GDPD5: variants seen among roughly 807,000 people sequenced by gnomAD.
The protein encoded by GDPD5 is glycerophosphodiester phosphodiesterase domain containing 5, also known as glycerophosphodiester phosphodiesterase 2.
A neutral mutation model predicts 75.1 loss-of-function variants in GDPD5; 48 were observed. That is an observed-to-expected ratio of 0.64 (90% confidence interval 0.51 to 0.81). GDPD5 has a LOEUF of 0.81. Ranked by LOEUF, GDPD5 falls within the 40% of genes least tolerant of loss-of-function variation. The probability of loss-of-function intolerance (pLI) is 0.00; values close to 1 mark genes in which losing one functional copy is unlikely to be tolerated. For missense variants in GDPD5, 706 were observed against 822.6 expected (o/e 0.86, Z 1.73); for synonymous variants, 336 against 339.0 (o/e 0.99, Z 0.10).
Position 75,477,619 on chromosome 11 carries a change from C to T in GDPD5, c.117G>A (p.Pro39=), listed in dbSNP as rs375614209. 22 of 1,566,736 alleles carry T rather than the reference C, an allele frequency of 1.4e-5. No individual in the cohort carries two copies. Among genetic ancestry groups the T allele is most frequent in the East Asian group, 2.3e-5 (1 of 43,532 alleles). ...RYQRSHDDTT[P]WERLWFLLLT... is the part of the protein sequence containing the mutation. Reference sequence around the variant, plus strand: ...CTGACCCTGTTCCAGGGTGGCTCACCGGTGTGGTATCATCATGGGAGCGCT... The same window carrying T: ...CTGACCCTGTTCCAGGGTGGCTCACTGGTGTGGTATCATCATGGGAGCGCT... The change falls in exon 3 of 17, where the codon CCG becomes CCA. Residue 39 remains proline, a splice_region_variant and synonymous_variant. Coordinates refer to ENST00000336898, the MANE Select transcript of GDPD5 (RefSeq NM_030792.8).
chr11:75,495,475 A>T (rs1950192582), intron 1 of GDPD5, among the ~76,000 whole-genome samples: 1 of 151,878 alleles, frequency 6.6e-6, no homozygotes, highest in Non-Finnish European at 1.5e-5. Context: ...TCAAAAAAAG[A>T]AAAAAAAGAA....
intron 1 of GDPD5, among the ~76,000 whole-genome samples, chr11:75,516,523 C>T (rs935549428): frequency 2.0e-5 from 3 of 152,174 alleles, no homozygotes; most frequent in African/African-American, 7.2e-5. Context: ...GAAGGGATGC[C>T]CATGATTACA....
At chr11:75,461,863 T>C (rs954553576) in intron 4 of GDPD5, among the ~76,000 whole-genome samples, 1 of 152,188 alleles carries the variant, frequency 6.6e-6, no homozygotes, top group Non-Finnish European at 1.5e-5. Context: ...GACCTGGGCC[T>C]GTTTCCTTAT....
intron 15 of GDPD5, among the ~76,000 whole-genome samples, chr11:75,439,579 G>A (rs1001983454): frequency 6.6e-6 from 1 of 152,152 alleles, no homozygotes; most frequent in Non-Finnish European, 1.5e-5. Flanking sequence ...AGGGCTGGTG[G>A]GAACCCATGC....
chr11:75,521,132 T>C (rs651575), intron 1 of GDPD5, among the ~76,000 whole-genome samples: 7 of 152,020 alleles, frequency 4.6e-5, no homozygotes, highest in Admixed American at 3.3e-4. Flanking sequence ...CTGCTCCCCA[T>C]AGACATGGAC....
intron 2 of GDPD5, among the ~76,000 whole-genome samples, chr11:75,483,798 A>G (rs957006887): frequency 6.6e-6 from 1 of 152,232 alleles, no homozygotes; most frequent in Admixed American, 6.5e-5. Context: ...AAATACTGAG[A>G]CAGAAAGTAG....
At chr11:75,460,595 C>G (rs938974415) in intron 4 of GDPD5, among the ~76,000 whole-genome samples, 6 of 152,092 alleles carry the variant, frequency 3.9e-5, no homozygotes, top group Admixed American at 3.3e-4. Context: ...CAGGCATATG[C>G]CACCACACCT....
intron 9 of GDPD5, 56 bp downstream of exon 9, chr11:75,448,921 C>G: frequency 6.7e-7 from 1 of 1,495,756 alleles, no homozygotes; most frequent in African/African-American, 1.5e-5. Flanking sequence ...CCAAGAAGGT[C>G]CCCCCCATCG....
chr11:75,516,110 G>C (rs1335319777), intron 1 of GDPD5: 1 of 152,280 alleles, frequency 6.6e-6, no homozygotes, highest in Non-Finnish European at 1.5e-5. Flanking sequence ...GAATGTAATG[G>C]GCTCCATGCT....
intron 3 of GDPD5, among the ~76,000 whole-genome samples, chr11:75,464,737 C>T (rs1565196622): frequency 6.6e-6 from 1 of 152,148 alleles, no homozygotes; most frequent in Non-Finnish European, 1.5e-5. Context: ...TGTGTCTGCC[C>T]CAGCTGGACA....
intron 1 of GDPD5, among the ~76,000 whole-genome samples, chr11:75,514,124 C>T (rs1021490815): frequency 6.6e-6 from 1 of 152,240 alleles, no homozygotes; most frequent in Non-Finnish European, 1.5e-5. Context: ...GCACCAGGCT[C>T]TGTTTTGAGG....
At chr11:75,523,735 C>T (rs747583825) in intron 1 of GDPD5, among the ~76,000 whole-genome samples, 25 of 152,290 alleles carry the variant, frequency 1.6e-4, no homozygotes, top group African/African-American at 5.8e-4. Flanking sequence ...GAGATTATTG[C>T]GAGGATTTGA....
chr11:75,464,736 C>CTA (rs1240577558), intron 3 of GDPD5, among the ~76,000 whole-genome samples: 2 of 152,122 alleles, frequency 1.3e-5, no homozygotes, highest in African/African-American at 4.8e-5. Flanking sequence ...TTGTGTCTGC[C>CTA]CCAGCTGGAC....
At chr11:75,440,053 T>C (rs530506565) in intron 14 of GDPD5, 92 bp from the exon 15 acceptor site, 5 of 926,254 alleles carry the variant, frequency 5.4e-6, no homozygotes, top group Admixed American at 2.3e-5. Flanking sequence ...GGACCCCACA[T>C]GGCCACTGGG....
Position 75,462,633 on chromosome 11 carries a change from AG to A in GDPD5, c.221+152del, listed in dbSNP as rs113217791. On this transcript the variant is annotated intron_variant, in intron 4 of 16. Transcript: ENST00000336898. ...GGAGGTGAGCAGGACAGAGGCTCCCAGGGAGTAGGCCCTGCCCAGGGCCACA... is the reference window on the plus strand; with the variant it reads ...GGAGGTGAGCAGGACAGAGGCTCCCAGGAGTAGGCCCTGCCCAGGGCCACA... Among the ~76,000 whole-genome samples, 21 of 151,900 alleles carry A rather than the reference AG, an allele frequency of 1.4e-4. 2 individuals carry two copies. The highest frequency in any genetic ancestry group is 5.1e-4 in the African/African-American group (21 of 41,444).
intron 3 of GDPD5, among the ~76,000 whole-genome samples, chr11:75,476,391 C>T (rs927296746): frequency 1.3e-5 from 2 of 151,230 alleles, no homozygotes; most frequent in African/African-American, 4.9e-5. Flanking sequence ...TCCAGTTCAC[C>T]GTTGAGGGAG....
At position 75,457,700 on chromosome 11, in the gene GDPD5, C is replaced by A. The variant is rs761701516; in HGVS notation, c.308G>T (p.Gly103Val). The A allele has an allele frequency of 6.2e-7, 1 of 1,614,016 alleles. No individual in the cohort carries two copies. The highest frequency in any genetic ancestry group is 8.5e-7 in the Non-Finnish European group (1 of 1,179,914). ...TTAAAFAYIAGLLVLALCHIA... is the reference protein window; with the variant it reads ...TTAAAFAYIAVLLVLALCHIA... The stretch of plus-strand genomic sequence containing the variant: ...CAAAACAGCCCCATGTACCAGGAGG[C>A]CAGCGATGTATGCGAAGGCAGCAGC... The change falls in exon 5 of 17, where the codon GGC becomes GTC. Residue 103 changes from glycine (G) to valine (V), a missense_variant. Transcript: ENST00000336898.
At chr11:75,466,245 G>A (rs1041095974) in intron 3 of GDPD5, among the ~76,000 whole-genome samples, 1 of 152,210 alleles carries the variant, frequency 6.6e-6, no homozygotes. Context: ...GCTGAAGCCG[G>A]AGGCCACAGT....
intron 9 of GDPD5, among the ~76,000 whole-genome samples, chr11:75,445,135 C>G (rs192094943): frequency 6.6e-6 from 1 of 152,280 alleles, no homozygotes. Flanking sequence ...CAACTGTTTT[C>G]CCCTTACATG....
Sources: allele counts gnomAD v4.1 joint callset (sites outside exome capture counted in the v4.1 genomes callset), GRCh38; gene constraint gnomAD v4.1.1; transcripts MANE v1.5; gene names NCBI Gene and HGNC (gene_info 2026-07-23, HGNC 2026-07-21).